Variants in PPP2R5E observed in about 807,000 individuals in gnomAD.
PPP2R5E encodes serine/threonine-protein phosphatase 2A 56 kDa regulatory subunit epsilon isoform.
In PPP2R5E, 4 loss-of-function variants were observed where a neutral mutation model predicts 65.3. That is an observed-to-expected ratio of 0.06 (90% CI 0.03 to 0.14). The LOEUF (loss-of-function observed/expected upper bound fraction) is 0.14, where lower values mean the gene tolerates loss of function less well. PPP2R5E is among the 10% of genes least tolerant of loss of function. The probability of loss-of-function intolerance (pLI) is 1.00; values close to 1 mark genes in which losing one functional copy is unlikely to be tolerated. For synonymous variants in PPP2R5E, 183 were observed against 187.4 expected (o/e 0.98, Z 0.19); for missense variants, 274 against 556.1 (o/e 0.49, Z 5.10).
At chr14:63,390,696 T>C (rs994740674) in intron 10 of PPP2R5E, among the ~76,000 whole-genome samples, 1 of 152,220 alleles carries the variant, frequency 6.6e-6, no homozygotes, top group African/African-American at 2.4e-5. Flanking sequence ...GGAAGGCGTT[T>C]CTGCTAAAAG....
intron 3 of PPP2R5E, among the ~76,000 whole-genome samples, chr14:63,438,052 A>G (rs1888031572): frequency 6.6e-6 from 1 of 152,222 alleles, no homozygotes; most frequent in African/African-American, 2.4e-5. Context: ...GTCACTGAAT[A>G]GCATATTTCT....
intron 1 of PPP2R5E, among the ~76,000 whole-genome samples, chr14:63,541,410 T>TA (rs1566772001): frequency 6.6e-6 from 1 of 152,218 alleles, no homozygotes; most frequent in East Asian, 1.9e-4. Context: ...CCATCAAACT[T>TA]ACGGAACTGA....
intron 2 of PPP2R5E, among the ~76,000 whole-genome samples, chr14:63,537,118 C>T (rs566250989): frequency 2.6e-4 from 39 of 152,106 alleles, no homozygotes; most frequent in Non-Finnish European, 5.1e-4. Flanking sequence ...CTCATGCATG[C>T]TTCTTTCACT....
At chr14:63,539,945 G>A (rs1008990949) in intron 1 of PPP2R5E, among the ~76,000 whole-genome samples, 2 of 151,646 alleles carry the variant, frequency 1.3e-5, no homozygotes, top group Non-Finnish European at 2.9e-5. Flanking sequence ...GGACAACATG[G>A]TGAAATTCAG....
At chr14:63,394,890 A>T (rs1332322890) in intron 7 of PPP2R5E, among the ~76,000 whole-genome samples, 2 of 152,252 alleles carry the variant, frequency 1.3e-5, no homozygotes, top group Non-Finnish European at 2.9e-5. Flanking sequence ...CTTTCAACAG[A>T]TAAGGCAAAG....
intron 5 of PPP2R5E, among the ~76,000 whole-genome samples, chr14:63,397,021 C>T (rs936247648): frequency 6.6e-6 from 1 of 152,160 alleles, no homozygotes; most frequent in Non-Finnish European, 1.5e-5. Flanking sequence ...CATATTAATC[C>T]TCCCAATGAG....
At chr14:63,440,180 C>T (rs965893399) in intron 3 of PPP2R5E, among the ~76,000 whole-genome samples, 3 of 152,032 alleles carry the variant, frequency 2.0e-5, no homozygotes, top group African/African-American at 7.2e-5. Context: ...CAGGGGACTG[C>T]TATCTGGGTG....
intron 2 of PPP2R5E, among the ~76,000 whole-genome samples, chr14:63,457,202 G>C (rs1448543766): frequency 1.3e-5 from 2 of 152,158 alleles, no homozygotes; most frequent in Non-Finnish European, 2.9e-5. Flanking sequence ...ATGTGAGAAG[G>C]CAGGACAGGC....
At chr14:63,461,165 G>T (rs1383761371) in intron 2 of PPP2R5E, among the ~76,000 whole-genome samples, 1 of 152,146 alleles carries the variant, frequency 6.6e-6, no homozygotes, top group Non-Finnish European at 1.5e-5. Context: ...TTTCCTAAGG[G>T]CTTATTTCCA....
At chr14:63,499,024 T>C (rs1284739247) in intron 2 of PPP2R5E, among the ~76,000 whole-genome samples, 1 of 152,158 alleles carries the variant, frequency 6.6e-6, no homozygotes, top group Non-Finnish European at 1.5e-5. Context: ...AAAATCAAAA[T>C]TAGTCATGAA....
intron 1 of PPP2R5E, 136 bp from the exon 2 acceptor site, chr14:63,539,828 A>G: frequency 1.0e-6 from 1 of 992,874 alleles, no homozygotes; most frequent in South Asian, 1.8e-5. Flanking sequence ...AAATCAGTTA[A>G]GAAAAGTCTT....
At chr14:63,381,422 CAG>C (rs1479958043) in intron 13 of PPP2R5E, among the ~76,000 whole-genome samples, 1 of 152,144 alleles carries the variant, frequency 6.6e-6, no homozygotes, top group Non-Finnish European at 1.5e-5. Flanking sequence ...GAGTGAATCC[CAG>C]AGAGCAAACT....
In PPP2R5E at chr14:63,491,714, G is replaced by A. The variant is rs1594936183; in HGVS notation, c.158-37829C>T. Among the ~76,000 whole-genome samples, 4 of 152,142 alleles carry A rather than the reference G, an allele frequency of 2.6e-5. No individual in the cohort carries two copies. In the South Asian group the frequency reaches 8.3e-4, roughly 32 times the overall value. On this transcript the variant is annotated intron_variant, in intron 2 of 13. Coordinates refer to ENST00000337537, the MANE Select transcript of PPP2R5E (RefSeq NM_006246.5). ...AATACAAAATTAGCCAGGCATGGTGGCATGCACCTGTAGTCCCAGCTACTC... is the reference window on the plus strand; with the variant it reads ...AATACAAAATTAGCCAGGCATGGTGACATGCACCTGTAGTCCCAGCTACTC...
chr14:63,540,486 G>A (rs533820817), intron 1 of PPP2R5E, among the ~76,000 whole-genome samples: 126 of 149,090 alleles, frequency 8.5e-4, no homozygotes, highest in African/African-American at 3.1e-3. Context: ...ATCCCAAGGC[G>A]GGCAGATAAC....
chr14:63,480,193 C>G (rs559026054), intron 2 of PPP2R5E, among the ~76,000 whole-genome samples: 1 of 151,966 alleles, frequency 6.6e-6, no homozygotes, highest in Non-Finnish European at 1.5e-5. Flanking sequence ...TGTGGTGGCT[C>G]ATGCCTGTAA....
intron 2 of PPP2R5E, among the ~76,000 whole-genome samples, chr14:63,536,623 G>C (rs1446934910): frequency 6.6e-6 from 1 of 152,156 alleles, no homozygotes; most frequent in African/African-American, 2.4e-5. Flanking sequence ...AGCAACCCAA[G>C]TGTCCACCAA....
At chr14:63,519,592 G>C (rs946916201) in intron 2 of PPP2R5E, among the ~76,000 whole-genome samples, 1 of 148,624 alleles carries the variant, frequency 6.7e-6, no homozygotes, top group African/African-American at 2.5e-5. Context: ...GACCTCAGGT[G>C]ATCTACCCAC....
At chr14:63,415,761 C>T (rs1473078312) in intron 4 of PPP2R5E, among the ~76,000 whole-genome samples, 1 of 152,058 alleles carries the variant, frequency 6.6e-6, no homozygotes, top group Non-Finnish European at 1.5e-5. Context: ...TTCCATTATT[C>T]ATAATTAATT....
intron 11 of PPP2R5E, among the ~76,000 whole-genome samples, chr14:63,387,420 C>G (rs758408294): frequency 6.6e-6 from 1 of 151,798 alleles, no homozygotes; most frequent in Admixed American, 6.5e-5. Context: ...TTCCTGGGAT[C>G]CACTGTCCTT....
Sources: gnomAD v4.1 joint callset for allele counts (sites outside exome capture counted in the v4.1 genomes callset) on GRCh38, gnomAD v4.1.1 for gene constraint, MANE v1.5 for transcripts, NCBI Gene and HGNC (gene_info 2026-07-23, HGNC 2026-07-21) for gene names.